The following GPC6 variants were observed in gnomAD, a reference collection of about 807,000 sequenced individuals.
The protein encoded by GPC6 is glypican 6, also known as glypican-6.
A neutral mutation model predicts 55.2 loss-of-function variants in GPC6; 14 were observed. That is an observed-to-expected ratio of 0.25 (90% CI 0.17 to 0.40). GPC6 has a LOEUF of 0.40. GPC6 is among the 10% of genes least tolerant of loss of function. GPC6 has a pLI of 1.00. For missense variants in GPC6, 641 were observed against 708.5 expected (o/e 0.90, Z 1.08); for synonymous variants, 278 against 259.6 (o/e 1.07, Z -0.68).
chr13:93,895,385 G>A (rs780442846), intron 3 of GPC6, among the ~76,000 whole-genome samples: 4 of 150,760 alleles, frequency 2.7e-5, no homozygotes, highest in Non-Finnish European at 5.9e-5. Flanking sequence ...AGAAATAGAG[G>A]CACATTACAA....
intron 4 of GPC6, among the ~76,000 whole-genome samples, chr13:94,210,257 T>C (rs912583261): frequency 6.6e-6 from 1 of 150,662 alleles, no homozygotes; most frequent in East Asian, 2.0e-4. Context: ...CCCAGGTTCA[T>C]GCGATTCTCC....
intron 1 of GPC6, among the ~76,000 whole-genome samples, chr13:93,343,549 A>C (rs944311147): frequency 1.3e-5 from 2 of 152,176 alleles, no homozygotes; most frequent in African/African-American, 4.8e-5. Context: ...AAGCCAACAC[A>C]TTCCTTTCTT....
intron 1 of GPC6, among the ~76,000 whole-genome samples, chr13:93,232,096 C>T (rs1278261818): frequency 8.1e-6 from 1 of 123,230 alleles, no homozygotes; most frequent in Non-Finnish European, 1.7e-5. Context: ...ACAATTTACA[C>T]AACTTTTTTT....
intron 1 of GPC6, among the ~76,000 whole-genome samples, chr13:93,373,117 C>T (rs890732691): frequency 7.9e-5 from 12 of 152,120 alleles, no homozygotes; most frequent in South Asian, 4.1e-4. Flanking sequence ...ATCAAACAAT[C>T]GTATTCAGGC....
At chr13:93,306,414 A>T (rs7325380) in intron 1 of GPC6, among the ~76,000 whole-genome samples, 29,338 of 152,068 alleles carry the variant, frequency 0.19, 3,089 homozygotes, top group Non-Finnish European at 0.24. Flanking sequence ...TTCATTGTTT[A>T]GCTGGATCTT....
At chr13:93,688,989 A>C (rs1385862184) in intron 2 of GPC6, among the ~76,000 whole-genome samples, 1 of 152,102 alleles carries the variant, frequency 6.6e-6, no homozygotes, top group Non-Finnish European at 1.5e-5. Flanking sequence ...TCTCTGATTT[A>C]TAGAGTATCT....
chr13:94,181,050 A>G (rs1888976310), intron 4 of GPC6, among the ~76,000 whole-genome samples: 1 of 152,208 alleles, frequency 6.6e-6, no homozygotes, highest in Non-Finnish European at 1.5e-5. Flanking sequence ...CAAAACCTGC[A>G]GTTTGGCATT....
At chr13:94,247,902 A>G (rs1891243914) in intron 4 of GPC6, among the ~76,000 whole-genome samples, 1 of 151,874 alleles carries the variant, frequency 6.6e-6, no homozygotes, top group Non-Finnish European at 1.5e-5. Context: ...ACAGGTACAA[A>G]CACAGTGCAT....
chr13:93,239,288 A>G (rs1007175868), intron 1 of GPC6, among the ~76,000 whole-genome samples: 2 of 151,736 alleles, frequency 1.3e-5, no homozygotes, highest in African/African-American at 2.4e-5. Context: ...CAGGATTTCT[A>G]TTTCTTTCTG....
At chr13:93,697,744 A>G (rs749569882) in intron 2 of GPC6, among the ~76,000 whole-genome samples, 1 of 152,198 alleles carries the variant, frequency 6.6e-6, no homozygotes, top group Non-Finnish European at 1.5e-5. Flanking sequence ...GAGTGTGATT[A>G]GATCATACGT....
intron 4 of GPC6, among the ~76,000 whole-genome samples, chr13:94,271,884 C>G (rs1330227349): frequency 9.2e-5 from 14 of 152,194 alleles, no homozygotes; most frequent in Admixed American, 9.2e-4. Flanking sequence ...CAAAAGTCAT[C>G]TTGCCATTTC....
chr13:93,698,748 A>G (rs1304219280), intron 2 of GPC6, among the ~76,000 whole-genome samples: 2 of 151,912 alleles, frequency 1.3e-5, no homozygotes, highest in Non-Finnish European at 2.9e-5. Flanking sequence ...TGAAAATTTA[A>G]AAACCAATGT....
At chr13:93,753,934 A>G (rs1471954258) in intron 2 of GPC6, among the ~76,000 whole-genome samples, 2 of 152,146 alleles carry the variant, frequency 1.3e-5, no homozygotes, top group East Asian at 3.9e-4. Flanking sequence ...GATGTGAGCC[A>G]TTGCACCTGG....
At chr13:93,797,913 C>T (rs1169681161) in intron 2 of GPC6, among the ~76,000 whole-genome samples, 1 of 152,064 alleles carries the variant, frequency 6.6e-6, no homozygotes, top group Non-Finnish European at 1.5e-5. Context: ...TGTTAGTTTG[C>T]ACAAGAGTTG....
At chr13:93,835,568 CAT>C (rs1887701131) in intron 3 of GPC6, among the ~76,000 whole-genome samples, 2 of 152,128 alleles carry the variant, frequency 1.3e-5, no homozygotes, top group South Asian at 4.1e-4. Context: ...GCCTGACCAA[CAT>C]GGAGAAACCC....
chr13:93,769,820 C>T (rs926928372), intron 2 of GPC6, among the ~76,000 whole-genome samples: 5 of 152,140 alleles, frequency 3.3e-5, no homozygotes, highest in African/African-American at 1.2e-4. Context: ...CAGCTGCAGT[C>T]AGTGTTTTTC....
chr13:93,859,995 C>T (rs1888758277), intron 3 of GPC6, among the ~76,000 whole-genome samples: 1 of 151,692 alleles, frequency 6.6e-6, no homozygotes, highest in South Asian at 2.1e-4. Flanking sequence ...TATTTTATTT[C>T]TTTACATTCT....
chr13:93,564,170 T>G (rs1875967708), intron 2 of GPC6, among the ~76,000 whole-genome samples: 1 of 152,154 alleles, frequency 6.6e-6, no homozygotes, highest in African/African-American at 2.4e-5. Flanking sequence ...GATGAAATAG[T>G]TAAAACTTGT....
intron 8 of GPC6, among the ~76,000 whole-genome samples, chr13:94,401,961 G>C (rs1193449089): frequency 6.6e-6 from 1 of 151,770 alleles, no homozygotes; most frequent in African/African-American, 2.4e-5. Context: ...TAGATAGATA[G>C]ATAGATAGAT....
Sources: allele counts gnomAD v4.1 joint callset (sites outside exome capture counted in the v4.1 genomes callset), GRCh38; gene constraint gnomAD v4.1.1; transcripts MANE v1.5; gene names NCBI Gene and HGNC (gene_info 2026-07-23, HGNC 2026-07-21).